Variants in MTHFD2L observed in about 807,000 individuals in gnomAD.
MTHFD2L encodes methylenetetrahydrofolate dehydrogenase (NADP+ dependent) 2 like.
Under a neutral mutation model 34.9 loss-of-function variants are expected in MTHFD2L, and 29 were observed. The ratio of observed to expected loss-of-function variants is 0.83; its 90% CI spans 0.62 to 1.13. The LOEUF (loss-of-function observed/expected upper bound fraction) is 1.13. Among genes scored for constraint, MTHFD2L ranks in the 50% most tolerant of loss-of-function variants. The probability of loss-of-function intolerance (pLI) is 0.00; values close to 1 mark genes in which losing one functional copy is unlikely to be tolerated. For synonymous variants in MTHFD2L, 167 were observed against 155.7 expected, an observed-to-expected ratio of 1.07 and a Z score of -0.54; for missense variants, 481 against 446.5, an observed-to-expected ratio of 1.08 and a Z score of -0.70.
rs976580403 is a variant in MTHFD2L at position 74,291,270 on chromosome 4, C to T, written c.931+9720C>T. On this transcript the variant is annotated intron_variant, in intron 7 of 7. Transcript: ENST00000325278. ...GACCTCGTGATTTGCCCAGCTCGGC[C>T]TCCCAAAGTGCTGGGATTACAGGCA... is the stretch of plus-strand genomic sequence containing the variant. Among the ~76,000 whole-genome samples, 4 of 151,842 alleles carry T rather than the reference C, an allele frequency of 2.6e-5. No individual in the cohort carries two copies. The East Asian group carries it at 5.8e-4, about 22-fold the overall frequency.
At chr4:74,150,904 A>T (rs1244908007) in intron 1 of MTHFD2L, among the ~76,000 whole-genome samples, 1 of 152,080 alleles carries the variant, frequency 6.6e-6, no homozygotes, top group Non-Finnish European at 1.5e-5. Context: ...GAAGGCCATT[A>T]TATAATGATA....
In MTHFD2L at chr4:74,201,367, G is replaced by A. The variant is rs1174715239; in HGVS notation, c.709G>A (p.Gly237Arg). The A allele has an allele frequency of 1.9e-6, 3 of 1,611,444 alleles. No individual in the cohort carries two copies. The Admixed American group carries it at 5.0e-5, about 27-fold the overall frequency. The stretch of plus-strand genomic sequence containing the variant: ...CACTGATGGAGAGCATGAACGGCCA[G>A]GAGGTAGGTAGAACCTTGCAGATTC... ...LHTDGEHERPGGDATVTIAHR... is the reference protein window; with the variant it reads ...LHTDGEHERPRGDATVTIAHR... The change falls in exon 5 of 8, where the codon GGA becomes AGA. Residue 237 changes from glycine (G) to arginine (R), a missense_variant. Coordinates refer to ENST00000325278, the MANE Select transcript of MTHFD2L (RefSeq NM_001144978.3).
chr4:74,154,746 A>G (rs1252570094), upstream of MTHFD2L, among the ~76,000 whole-genome samples: 1 of 152,154 alleles, frequency 6.6e-6, no homozygotes, highest in Non-Finnish European at 1.5e-5. Flanking sequence ...CTGTTATTGT[A>G]GAATGACATT....
chr4:74,291,632 A>G (rs1380451992), intron 7 of MTHFD2L, among the ~76,000 whole-genome samples: 1 of 152,198 alleles, frequency 6.6e-6, no homozygotes, highest in Non-Finnish European at 1.5e-5. Flanking sequence ...CATGATAAAT[A>G]AAGTGCCTGG....
intron 6 of MTHFD2L, among the ~76,000 whole-genome samples, chr4:74,264,504 ATATAT>A (rs761300310): frequency 2.0e-5 from 3 of 151,918 alleles, no homozygotes; most frequent in Non-Finnish European, 4.4e-5. Flanking sequence ...TATTTCATAT[ATATAT>A]TATATTTCAT....
At chr4:74,246,937 G>A (rs1340051587) in intron 6 of MTHFD2L, among the ~76,000 whole-genome samples, 3 of 152,084 alleles carry the variant, frequency 2.0e-5, no homozygotes, top group Admixed American at 6.6e-5. Flanking sequence ...TGTTCCTTTG[G>A]CTTAGGATTG....
intron 1 of MTHFD2L, among the ~76,000 whole-genome samples, chr4:74,166,146 A>G (rs1013835828): frequency 6.6e-6 from 1 of 152,242 alleles, no homozygotes; most frequent in African/African-American, 2.4e-5. Flanking sequence ...GCTGTATACA[A>G]AGTTCCACAA....
chr4:74,192,578 A>G (rs1732743865), intron 3 of MTHFD2L, among the ~76,000 whole-genome samples: 1 of 152,128 alleles, frequency 6.6e-6, no homozygotes, highest in South Asian at 2.1e-4. Flanking sequence ...CTCTCATGTA[A>G]TCTAAACCCC....
In MTHFD2L at chr4:74,301,712, C is replaced by T; in HGVS notation, c.947C>T (p.Ala316Val). Residue 316 changes from alanine to valine, a missense_variant, in exon 8 of 8, where the codon GCT becomes GTT. Ala to Val is a moderately conservative substitution (Grantham distance 64). Transcript: ENST00000325278. ...TCCTCATCAGCTGTTAAAAAGAAAG[C>T]TGGCTTTATCACTCCAGTTCCAGGA... ...DVDFEAVKKK[A>V]GFITPVPGGV... 6.3e-7 allele frequency: 1 copy of T among 1,579,870 alleles called. No individual in the cohort carries two copies.
intron 1 of MTHFD2L, among the ~76,000 whole-genome samples, chr4:74,137,581 A>G (rs1723020767): frequency 6.6e-6 from 1 of 152,186 alleles, no homozygotes; most frequent in African/African-American, 2.4e-5. Context: ...AAATAGAACT[A>G]CCATATGATC....
intron 6 of MTHFD2L, among the ~76,000 whole-genome samples, chr4:74,231,956 C>T (rs1329066320): frequency 6.6e-6 from 1 of 152,006 alleles, no homozygotes; most frequent in African/African-American, 2.4e-5. Flanking sequence ...CTAGCCAATC[C>T]ATGTAAAGAG....
rs113242201 is a variant in MTHFD2L at position 74,208,707 on chromosome 4, C to G, written c.712+7337C>G. Among the ~76,000 whole-genome samples, 1,138 of 152,204 alleles carry G rather than the reference C, an allele frequency of 7.5e-3. 21 individuals carry two copies. The highest frequency in any genetic ancestry group is 0.026 in the African/African-American group (1,093 of 41,524). On this transcript the variant is annotated intron_variant, in intron 5 of 7. Transcript: ENST00000325278. Reference sequence around the variant, plus strand: ...ACCAACTGAATCCCAGATTACCACCCAGGAACAGGAAAGGCCAGGCTCCTA... The same window carrying G: ...ACCAACTGAATCCCAGATTACCACCGAGGAACAGGAAAGGCCAGGCTCCTA...
chr4:74,268,335 T>A, intron 6 of MTHFD2L: 1 of 806,708 alleles, frequency 1.2e-6, no homozygotes, highest in Non-Finnish European at 1.5e-6. Context: ...TTTATTTATG[T>A]AGTAGGACAA....
chr4:74,273,190 G>A (rs1746210524), intron 6 of MTHFD2L, among the ~76,000 whole-genome samples: 1 of 152,124 alleles, frequency 6.6e-6, no homozygotes, highest in African/African-American at 2.4e-5. Context: ...ATGGCTTTTA[G>A]CTCAGAATGA....
At chr4:74,282,216 G>A (rs1035104839) in intron 7 of MTHFD2L, among the ~76,000 whole-genome samples, 1 of 151,986 alleles carries the variant, frequency 6.6e-6, no homozygotes, top group Non-Finnish European at 1.5e-5. Flanking sequence ...TTTTACTTCC[G>A]TTATCTTTGT....
intron 7 of MTHFD2L, among the ~76,000 whole-genome samples, chr4:74,301,323 A>G (rs989345779): frequency 6.6e-6 from 1 of 152,072 alleles, no homozygotes. Context: ...TCAACTTTCT[A>G]TATTCTATGT....
chr4:74,260,476 G>C (rs1419431196), intron 6 of MTHFD2L, among the ~76,000 whole-genome samples: 1 of 152,008 alleles, frequency 6.6e-6, no homozygotes, highest in Non-Finnish European at 1.5e-5. Flanking sequence ...CCTAGAAAAT[G>C]TTACCAAATT....
chr4:74,162,712 A>G (rs532577743), intron 1 of MTHFD2L, among the ~76,000 whole-genome samples: 3 of 152,302 alleles, frequency 2.0e-5, no homozygotes, highest in East Asian at 1.9e-4. Flanking sequence ...GTAGATAGAC[A>G]CTATTACTAT....
chr4:74,206,307 C>T (rs1403214328), intron 5 of MTHFD2L, among the ~76,000 whole-genome samples: 2 of 151,986 alleles, frequency 1.3e-5, no homozygotes, highest in Non-Finnish European at 2.9e-5. Context: ...TAACTTGGGT[C>T]GCAGTCCAGC....
Sources: gnomAD v4.1 joint callset for allele counts (sites outside exome capture counted in the v4.1 genomes callset) on GRCh38, gnomAD v4.1.1 for gene constraint, MANE v1.5 for transcripts, NCBI Gene and HGNC (gene_info 2026-07-23, HGNC 2026-07-21) for gene names.